The following COMMD10 variants were observed in gnomAD, a reference collection of about 807,000 sequenced individuals.
COMMD10 encodes the protein COMM domain containing 10, also known as COMM domain-containing protein 10.
In COMMD10, 33 loss-of-function variants were observed where a neutral mutation model predicts 28.9. The ratio of observed to expected loss-of-function variants is 1.14; its 90% CI spans 0.87 to 1.53. COMMD10 has a LOEUF of 1.53. Ranked by LOEUF, COMMD10 falls within the 40% of genes most tolerant of loss-of-function variation. COMMD10 has a pLI of 0.00. For missense variants in COMMD10, 310 were observed against 233.4 expected (o/e 1.33, Z -2.14); for synonymous variants, 110 against 81.7 (o/e 1.35, Z -1.87).
intron 5 of COMMD10, among the ~76,000 whole-genome samples, chr5:116,267,986 C>G (rs1339632009): frequency 6.6e-6 from 1 of 151,664 alleles, no homozygotes; most frequent in Non-Finnish European, 1.5e-5. Flanking sequence ...GACCTAAAAC[C>G]ATAAAAACCC....
intron 1 of COMMD10, among the ~76,000 whole-genome samples, chr5:116,086,938 C>G (rs916474179): frequency 1.3e-5 from 2 of 152,210 alleles, no homozygotes; most frequent in Admixed American, 1.3e-4. Flanking sequence ...GATCGTGCCA[C>G]TGCACTCCAG....
chr5:116,193,129 C>G (rs1278583528), intron 5 of COMMD10, among the ~76,000 whole-genome samples: 2 of 152,152 alleles, frequency 1.3e-5, no homozygotes, highest in Non-Finnish European at 2.9e-5. Flanking sequence ...TCACCATTAC[C>G]AAGCCACCAC....
At chr5:116,180,803 T>G (rs1747931591) in intron 5 of COMMD10, among the ~76,000 whole-genome samples, 1 of 152,184 alleles carries the variant, frequency 6.6e-6, no homozygotes, top group Admixed American at 6.6e-5. Flanking sequence ...GACGACATTT[T>G]AATTCTTATC....
intron 5 of COMMD10, among the ~76,000 whole-genome samples, chr5:116,162,452 G>C (rs1311028622): frequency 6.6e-6 from 1 of 152,188 alleles, no homozygotes; most frequent in African/African-American, 2.4e-5. Flanking sequence ...CAGTTACACA[G>C]AAGTTGCATA....
At chr5:116,125,714 C>T (rs1360732064) in intron 4 of COMMD10, among the ~76,000 whole-genome samples, 1 of 152,154 alleles carries the variant, frequency 6.6e-6, no homozygotes, top group East Asian at 1.9e-4. Context: ...GGTCTTTTCA[C>T]ATAGTCCCAT....
At chr5:116,196,137 G>A (rs565385941) in intron 5 of COMMD10, among the ~76,000 whole-genome samples, 3 of 152,252 alleles carry the variant, frequency 2.0e-5, no homozygotes, top group Admixed American at 6.5e-5. Context: ...TTGCAAACAC[G>A]CATGTTTATA....
At chr5:116,278,180 C>G (rs529894207) in intron 5 of COMMD10, among the ~76,000 whole-genome samples, 37 of 151,824 alleles carry the variant, frequency 2.4e-4, no homozygotes, top group African/African-American at 3.6e-4. Context: ...ATACCATTAC[C>G]TATAGTATTG....
At chr5:116,241,211 G>A (rs368978854) in intron 5 of COMMD10, among the ~76,000 whole-genome samples, 1 of 152,162 alleles carries the variant, frequency 6.6e-6, no homozygotes, top group African/African-American at 2.4e-5. Flanking sequence ...TCTAGTCATT[G>A]CTTCCTTATA....
intron 5 of COMMD10, among the ~76,000 whole-genome samples, chr5:116,247,481 G>C (rs1272992147): frequency 6.6e-6 from 1 of 151,892 alleles, no homozygotes; most frequent in Non-Finnish European, 1.5e-5. Context: ...ATACCCAAAG[G>C]AATATATTAA....
chr5:116,280,794 C>T (rs965795592), intron 5 of COMMD10, among the ~76,000 whole-genome samples: 24 of 151,844 alleles, frequency 1.6e-4, no homozygotes, highest in African/African-American at 3.9e-4. Context: ...AATATGTTTA[C>T]AATCATCTAT....
intron 4 of COMMD10, among the ~76,000 whole-genome samples, chr5:116,127,937 T>A (rs1413061983): frequency 2.6e-5 from 4 of 151,416 alleles, no homozygotes; most frequent in Admixed American, 6.6e-5. Context: ...ATAATAATAA[T>A]AAAAAAGGTG....
At chr5:116,291,204 A>T (rs185854446) in intron 5 of COMMD10, among the ~76,000 whole-genome samples, 1 of 152,288 alleles carries the variant, frequency 6.6e-6, no homozygotes, top group Admixed American at 6.5e-5. Flanking sequence ...AGAAAGATGA[A>T]ATATAATCTC....
In COMMD10 at chr5:116,236,564, T is replaced by A. The variant is rs536183820; in HGVS notation, c.511-54953T>A. Among the ~76,000 whole-genome samples, 7 of 150,188 alleles carry A rather than the reference T, an allele frequency of 4.7e-5. No individual in the cohort carries two copies. The East Asian group carries it at 1.4e-3, about 29-fold the overall frequency. ...GGCCGTGAAAGGACATGGAGACCCCTTAAATACACATTACTAACTCAAGCC... is the reference window on the plus strand; with the variant it reads ...GGCCGTGAAAGGACATGGAGACCCCATAAATACACATTACTAACTCAAGCC... On this transcript the variant is annotated intron_variant, in intron 5 of 6. Transcript: ENST00000274458.
chr5:116,146,086 G>C lies in COMMD10; in HGVS notation c.510+11908G>C, dbSNP rs115900094. 7.3e-3 allele frequency among the ~76,000 whole-genome samples: 1,116 copies of C among 151,976 alleles called. 16 individuals carry two copies. Among genetic ancestry groups the C allele is most frequent in the African/African-American group, 0.026 (1,083 of 41,498 alleles). ...TAATTTGAGTCTTGAGATGTCTGTG[G>C]CTTGACCTGGTGTACAGTTTATCTG... On this transcript the variant is annotated intron_variant, in intron 5 of 6. Coordinates refer to ENST00000274458, the MANE Select transcript of COMMD10 (RefSeq NM_016144.4).
intron 4 of COMMD10, among the ~76,000 whole-genome samples, chr5:116,119,678 C>G (rs1377968564): frequency 4.6e-5 from 7 of 152,060 alleles, no homozygotes; most frequent in Non-Finnish European, 8.8e-5. Flanking sequence ...GTGGTGTGAT[C>G]ATAGCTCACT....
intron 4 of COMMD10, among the ~76,000 whole-genome samples, chr5:116,093,241 C>G (rs557229769): frequency 6.6e-6 from 1 of 152,226 alleles, no homozygotes; most frequent in East Asian, 1.9e-4. Flanking sequence ...AGATGGCTGA[C>G]TAGAGGCACA....
intron 5 of COMMD10, among the ~76,000 whole-genome samples, chr5:116,142,605 A>G (rs1373420274): frequency 6.6e-6 from 1 of 151,804 alleles, no homozygotes; most frequent in African/African-American, 2.4e-5. Context: ...AGAAAGATAT[A>G]ACACTATTTC....
chr5:116,269,993 G>A (rs1750712443), intron 5 of COMMD10, among the ~76,000 whole-genome samples: 1 of 151,742 alleles, frequency 6.6e-6, no homozygotes, highest in Admixed American at 6.6e-5. Flanking sequence ...CATTTTTATT[G>A]TTATTTTCTG....
rs1458895373 is a variant in COMMD10, at chr5:116,292,677, C to A, written c.*188C>A. 2.3e-6 allele frequency: 1 copy of A among 429,356 alleles called. No homozygotes were observed. The highest frequency in any genetic ancestry group is 4.1e-6 in the Non-Finnish European group (1 of 242,506). The allele number at this position is 429,356 out of a possible 1,614,324, so 26.6% of individuals were successfully genotyped here. On this transcript the variant is annotated 3_prime_UTR_variant, in exon 7 of 7. Transcript: ENST00000274458. Reference sequence around the variant, plus strand: ...TTAAGAATACTGAGGTTCTAATATACTTTCTTTAGTTCTGTGAGCCAACAG... The same window carrying A: ...TTAAGAATACTGAGGTTCTAATATAATTTCTTTAGTTCTGTGAGCCAACAG...
Sources: gnomAD v4.1 joint callset for allele counts (sites outside exome capture counted in the v4.1 genomes callset) on GRCh38, gnomAD v4.1.1 for gene constraint, MANE v1.5 for transcripts, NCBI Gene and HGNC (gene_info 2026-07-23, HGNC 2026-07-21) for gene names.